Variants in AK4 observed in about 807,000 individuals in gnomAD.
AK4 encodes adenylate kinase 4, mitochondrial.
A neutral mutation model predicts 24.6 loss-of-function variants in AK4; 13 were observed. That is an observed-to-expected ratio of 0.53 (90% CI 0.34 to 0.84). AK4 has a LOEUF of 0.84. AK4 is among the 40% of genes least tolerant of loss of function. AK4 has a pLI of 0.01. For synonymous variants in AK4, 88 were observed against 107.0 expected (o/e 0.82, Z 1.10); for missense variants, 192 against 288.2 (o/e 0.67, Z 2.42).
intron 1 of AK4, among the ~76,000 whole-genome samples, chr1:65,186,455 A>G (rs1380095263): frequency 1.3e-5 from 2 of 151,788 alleles, no homozygotes; most frequent in Non-Finnish European, 2.9e-5. Flanking sequence ...TGGGTCATCT[A>G]ATATATGCCA....
rs563318471 is a variant in AK4, at chr1:65,171,955, G to A, written c.146-18755G>A. Among the ~76,000 whole-genome samples, 44 of 150,370 alleles carry A rather than the reference G, an allele frequency of 2.9e-4. 1 individual carries two copies. Among genetic ancestry groups the A allele is most frequent in the African/African-American group, 1.0e-3 (43 of 41,172 alleles). ...CACATGCCTATAATCCCCGCTACTC[G>A]GGAGGCTGAGGCTTGAGAATTGCTT... On this transcript the variant is annotated intron_variant, in intron 1 of 4. Transcript: ENST00000327299.
intron 2 of AK4, among the ~76,000 whole-genome samples, chr1:65,209,159 G>C (rs983728400): frequency 1.1e-4 from 16 of 152,194 alleles, no homozygotes; most frequent in Non-Finnish European, 4.4e-5. Context: ...ATGAGGGATA[G>C]CGATAGTCTG....
intron 1 of AK4, among the ~76,000 whole-genome samples, chr1:65,162,083 A>G (rs1650185830): frequency 6.6e-6 from 1 of 152,108 alleles, no homozygotes. Flanking sequence ...CCCCGTCTCT[A>G]TAGAAAATAA....
chr1:65,177,596 G>T (rs1379145019), intron 1 of AK4, among the ~76,000 whole-genome samples: 1 of 152,216 alleles, frequency 6.6e-6, no homozygotes, highest in African/African-American at 2.4e-5. Context: ...GCTTCTGTCA[G>T]AGAATACTTT....
In AK4 at chr1:65,222,926, C is replaced by T. The variant is rs151334040; in HGVS notation, c.439-1826C>T. On this transcript the variant is annotated intron_variant, in intron 3 of 4. Coordinates refer to ENST00000327299, the MANE Select transcript of AK4 (RefSeq NM_013410.4). ...TGGATGTGGGAGGCAAAATTCAAAACGTGTCCATTTTGCAATTTTAAGGAG... is the reference window on the plus strand; with the variant it reads ...TGGATGTGGGAGGCAAAATTCAAAATGTGTCCATTTTGCAATTTTAAGGAG... 4.8e-3 allele frequency among the ~76,000 whole-genome samples: 735 copies of T among 151,992 alleles called. 5 individuals are homozygous for T. The highest frequency in any genetic ancestry group is 0.017 in the African/African-American group (711 of 41,454).
chr1:65,190,740 A>G lies in AK4; in HGVS notation c.176A>G (p.Glu59Gly), dbSNP rs1651278059. 6.2e-7 allele frequency: 1 copy of G among 1,613,928 alleles called. No homozygotes were observed. The highest frequency in any genetic ancestry group is 8.5e-7 in the Non-Finnish European group (1 of 1,179,988). The change falls in exon 2 of 5, where the codon GAG (glutamate) becomes GGG (glycine). Residue 59 changes from glutamate (E) to glycine (G), a missense_variant. Coordinates refer to ENST00000327299, the MANE Select transcript of AK4 (RefSeq NM_013410.4). ...EVGEMAKQYI[E>G]KSLLVPDHVI... ...GGTGAGATGGCAAAGCAGTATATAG[A>G]GAAAAGTCTTTTGGTTCCAGACCAT...
In AK4 at chr1:65,189,304, G is replaced by C. The variant is rs561142547; in HGVS notation, c.146-1406G>C. On this transcript the variant is annotated intron_variant, in intron 1 of 4. Coordinates refer to ENST00000327299, the MANE Select transcript of AK4 (RefSeq NM_013410.4). Reference sequence around the variant, plus strand: ...TTCTCTCTCTTTTTTTTTTTTTTTTGAGATGGAGTTGTTGCCCAGACTGGA... The same window carrying C: ...TTCTCTCTCTTTTTTTTTTTTTTTTCAGATGGAGTTGTTGCCCAGACTGGA... Among the ~76,000 whole-genome samples the C allele has an allele frequency of 5.2e-3, 351 of 67,986 alleles. 2 individuals carry two copies. Among genetic ancestry groups the C allele is most frequent in the Admixed American group, 0.02 (140 of 7,012 alleles). 44.6% of individuals were successfully genotyped at this position (67,986 alleles called of 152,430 possible). A position where few individuals can be genotyped will look rare whatever the true frequency, so the allele number is the denominator to read the frequency against.
chr1:65,178,017 T>C (rs1048528685), intron 1 of AK4, among the ~76,000 whole-genome samples: 1 of 152,014 alleles, frequency 6.6e-6, no homozygotes. Context: ...CTGAAAGTCA[T>C]GACCGTGGCT....
Position 65,154,363 on chromosome 1 carries a change from C to G in AK4, c.145+5811C>G, listed in dbSNP as rs138780973. On this transcript the variant is annotated intron_variant, in intron 1 of 4. Coordinates refer to ENST00000327299, the MANE Select transcript of AK4 (RefSeq NM_013410.4). ...TTGAATGAACTAGAATGTGTCTAACCAATCTTTTGTGGAACATTTGGGTTA... is the reference window on the plus strand; with the variant it reads ...TTGAATGAACTAGAATGTGTCTAACGAATCTTTTGTGGAACATTTGGGTTA... The G allele has an allele frequency of 1.3e-4, 47 of 352,174 alleles. No individual in the cohort carries two copies. In the East Asian group the frequency reaches 2.1e-3, roughly 16 times the overall value. 21.8% of individuals were successfully genotyped at this position (352,174 alleles called of 1,614,324 possible).
intron 2 of AK4, among the ~76,000 whole-genome samples, chr1:65,207,675 G>A (rs1187190363): frequency 4.6e-5 from 7 of 151,936 alleles, no homozygotes; most frequent in Non-Finnish European, 8.8e-5. Flanking sequence ...TACCTGATAG[G>A]TAGCTTTCCA....
intron 1 of AK4, among the ~76,000 whole-genome samples, chr1:65,167,460 A>AT (rs565198195): frequency 0.017 from 2,393 of 144,308 alleles, 25 homozygotes; most frequent in Middle Eastern, 0.036. Flanking sequence ...AGGGAGATAG[A>AT]TTTTTTTTTT....
chr1:65,163,062 A>G (rs1650221272), intron 1 of AK4, among the ~76,000 whole-genome samples: 1 of 152,142 alleles, frequency 6.6e-6, no homozygotes, highest in Non-Finnish European at 1.5e-5. Context: ...GTTTCCTGCT[A>G]TGGGACATTT....
intron 1 of AK4, among the ~76,000 whole-genome samples, chr1:65,157,216 A>G (rs191014700): frequency 6.6e-6 from 1 of 152,366 alleles, no homozygotes; most frequent in East Asian, 1.9e-4. Flanking sequence ...AGGGGAACTC[A>G]TGGACCCCTG....
At chr1:65,154,687 C>T (rs1649916635) in intron 1 of AK4, 1 of 372,280 alleles carries the variant, frequency 2.7e-6, no homozygotes. Flanking sequence ...AGGCATCTAC[C>T]CAATACAAAA....
At chr1:65,172,966 G>A (rs748247566) in intron 1 of AK4, among the ~76,000 whole-genome samples, 30 of 148,634 alleles carry the variant, frequency 2.0e-4, no homozygotes, top group Admixed American at 9.8e-4. Flanking sequence ...GAGTTCAAGC[G>A]ATTCTCCTGT....
At position 65,172,681 on chromosome 1, in the gene AK4, C is replaced by A. The variant is rs189917322; in HGVS notation, c.146-18029C>A. 4.6e-5 allele frequency among the ~76,000 whole-genome samples: 7 copies of A among 152,168 alleles called. No homozygotes were observed. In the East Asian group the frequency reaches 5.8e-4, roughly 13 times the overall value. ...AGAGACAACTGTGGGAATAGATTGT[C>A]CTACCCAGAAAGCAAAATCTGGCAG... is the stretch of plus-strand genomic sequence containing the variant. On this transcript the variant is annotated intron_variant, in intron 1 of 4. Transcript: ENST00000327299.
At chr1:65,148,690 C>T (rs1462375866) in intron 1 of AK4, 138 bp downstream of exon 1, 3 of 1,237,370 alleles carry the variant, frequency 2.4e-6, no homozygotes, top group South Asian at 5.3e-5. Context: ...TGCCGGGGCG[C>T]ATGCAGCTGG....
rs1290075479 is a variant in AK4, at chr1:65,170,382, AC to A, written c.146-20327del. 3.8e-3 allele frequency among the ~76,000 whole-genome samples: 567 copies of A among 149,508 alleles called. 4 individuals carry two copies. The highest frequency in any genetic ancestry group is 0.013 in the African/African-American group (522 of 40,726). The stretch of plus-strand genomic sequence containing the variant: ...GACTCCGTCTCACACACACACACAC[AC>A]ACACAAAAAAAATCAGTTTTAAGGT... On this transcript the variant is annotated intron_variant, in intron 1 of 4. Coordinates refer to ENST00000327299, the MANE Select transcript of AK4 (RefSeq NM_013410.4).
Position 65,223,522 on chromosome 1 carries a change from G to T in AK4, c.439-1230G>T, listed in dbSNP as rs77402004. Among the ~76,000 whole-genome samples the T allele has an allele frequency of 5.3e-3, 805 of 151,982 alleles. 15 individuals carry two copies. Among genetic ancestry groups the T allele is most frequent in the Admixed American group, 0.025 (383 of 15,274 alleles). ...AAATGTTATCACGTATGATGAGAGT[G>T]GGGGGGTTCTTGCCTTTTTCCCCAA... On this transcript the variant is annotated intron_variant, in intron 3 of 4. Coordinates refer to ENST00000327299, the MANE Select transcript of AK4 (RefSeq NM_013410.4).
Sources: allele counts gnomAD v4.1 joint callset (sites outside exome capture counted in the v4.1 genomes callset), GRCh38; gene constraint gnomAD v4.1.1; transcripts MANE v1.5; gene names NCBI Gene and HGNC (gene_info 2026-07-23, HGNC 2026-07-21).